The following BLTP1 variants were observed in gnomAD, a reference collection of about 807,000 sequenced individuals.
BLTP1 encodes the protein fragile site-associated protein.
chr4:122,168,274 T>C, the BLTP1 span, among the ~76,000 whole-genome samples: 1 of 152,188 alleles, frequency 6.6e-6, no homozygotes. Flanking sequence ...TATGGTTTGT[T>C]ACTGTGGTAG....
chr4:122,189,928 A>G, the BLTP1 span: 2 of 1,545,188 alleles, frequency 1.3e-6, no homozygotes, highest in Non-Finnish European at 1.7e-6. Flanking sequence ...TATTGCCAGC[A>G]TTAACTAGGA....
At chr4:122,263,155 T>C in the BLTP1 span, 4 of 976,064 alleles carry the variant, frequency 4.1e-6, no homozygotes, top group African/African-American at 1.8e-5. Flanking sequence ...TTTCGGAGTC[T>C]TCATGCCCTT....
At chr4:122,341,043 T>C in the BLTP1 span, among the ~76,000 whole-genome samples, 3 of 152,134 alleles carry the variant, frequency 2.0e-5, no homozygotes, top group Non-Finnish European at 4.4e-5. Context: ...TCTCTAAAAT[T>C]AATGGCTATA....
At chr4:122,226,544 G>A in the BLTP1 span, 1 of 1,462,092 alleles carries the variant, frequency 6.8e-7, no homozygotes, top group Non-Finnish European at 9.0e-7. Flanking sequence ...TGATATTAAA[G>A]GTAGAAAAAA....
At chr4:122,279,492 G>T in the BLTP1 span, among the ~76,000 whole-genome samples, 3 of 152,006 alleles carry the variant, frequency 2.0e-5, no homozygotes, top group African/African-American at 7.2e-5. Context: ...TTCAATTTTA[G>T]CAGAATTCAT....
chr4:122,302,439 T>G, the BLTP1 span, among the ~76,000 whole-genome samples: 1 of 152,198 alleles, frequency 6.6e-6, no homozygotes, highest in Non-Finnish European at 1.5e-5. Flanking sequence ...TATTTCAAAC[T>G]TTTTCATTAG....
chr4:122,200,780 T>A, the BLTP1 span: 1 of 908,484 alleles, frequency 1.1e-6, no homozygotes, highest in African/African-American at 1.8e-5. Flanking sequence ...GATTTGTTGT[T>A]CTGAAAGTTT....
At chr4:122,264,200 G>A in the BLTP1 span, 2 of 1,504,816 alleles carry the variant, frequency 1.3e-6, no homozygotes, top group Non-Finnish European at 1.8e-6. Context: ...ACTTTTATGT[G>A]TTTCTATTCC....
the BLTP1 span, chr4:122,328,706 T>C: frequency 1.0e-5 from 10 of 983,082 alleles, no homozygotes; most frequent in Non-Finnish European, 1.2e-5. Flanking sequence ...AGATATGTAA[T>C]AGTGAAGGCT....
chr4:122,272,066 A>G, the BLTP1 span: 1 of 1,435,598 alleles, frequency 7.0e-7, no homozygotes, highest in Non-Finnish European at 9.4e-7. Flanking sequence ...CTGGTTGGGA[A>G]TGTGAAGGAA....
the BLTP1 span, chr4:122,273,318 G>C: frequency 3.8e-5 from 37 of 984,152 alleles, no homozygotes; most frequent in Non-Finnish European, 4.2e-5. Context: ...TTTTAAATTT[G>C]AGGATTATGT....
At chr4:122,222,170 A>G in the BLTP1 span, among the ~76,000 whole-genome samples, 10 of 152,294 alleles carry the variant, frequency 6.6e-5, no homozygotes, top group East Asian at 1.9e-4. Context: ...TTGCTTGTCT[A>G]CTTACCTTGT....
chr4:122,339,478 T>A, the BLTP1 span: 1 of 1,016,770 alleles, frequency 9.8e-7, no homozygotes. Context: ...ATTTTAATAG[T>A]AATTAATACA....
At chr4:122,270,573 T>C in the BLTP1 span, among the ~76,000 whole-genome samples, 2 of 152,030 alleles carry the variant, frequency 1.3e-5, no homozygotes, top group Non-Finnish European at 2.9e-5. Context: ...GCTTTCAACT[T>C]AGCATGAGGG....
the BLTP1 span, chr4:122,349,221 G>T: frequency 1.2e-6 from 2 of 1,613,310 alleles, no homozygotes; most frequent in Admixed American, 3.3e-5. The surrounding 1 kb of genome is among the most constrained non-coding windows in gnomAD (Gnocchi z 4.5). Flanking sequence ...GTGATCGAGA[G>T]ATCAGCATGT....
the BLTP1 span, chr4:122,244,910 G>A: frequency 1.2e-4 from 159 of 1,299,986 alleles, no homozygotes; most frequent in African/African-American, 2.0e-3. Context: ...TCAATGTTGA[G>A]CAATTGTTGT....
At chr4:122,318,805 T>C in the BLTP1 span, among the ~76,000 whole-genome samples, 2 of 152,208 alleles carry the variant, frequency 1.3e-5, no homozygotes, top group Admixed American at 1.3e-4. Flanking sequence ...TTTTGTTGCT[T>C]CATTTTTTAA....
chr4:122,340,193 G>C, the BLTP1 span, among the ~76,000 whole-genome samples: 1 of 152,122 alleles, frequency 6.6e-6, no homozygotes, highest in South Asian at 2.1e-4. Context: ...CTGGCAGCTA[G>C]AAGAGAAACC....
the BLTP1 span, chr4:122,206,259 T>A: frequency 0.056 from 10,097 of 180,762 alleles, 899 homozygotes; most frequent in African/African-American, 0.2. Flanking sequence ...ACATGAAAAA[T>A]TGTTCAGCCA....
Sources: allele counts gnomAD v4.1 joint callset (sites outside exome capture counted in the v4.1 genomes callset), GRCh38; gene constraint gnomAD v4.1.1; non-coding constraint Gnocchi (gnomAD v3.1); transcripts MANE v1.5; gene names NCBI Gene and HGNC (gene_info 2026-07-23, HGNC 2026-07-21).